The following KIF18A variants were observed in gnomAD, a reference collection of about 807,000 sequenced individuals.
KIF18A encodes kinesin-like protein KIF18A.
In KIF18A, 67 loss-of-function variants were observed where a neutral mutation model predicts 103.3. That is an observed-to-expected ratio of 0.65 (90% CI 0.53 to 0.79). The LOEUF (loss-of-function observed/expected upper bound fraction) is 0.79. KIF18A is among the 30% of genes least tolerant of loss of function. KIF18A has a pLI of 0.00. For missense variants in KIF18A, 1,032 were observed against 1,062.5 expected (o/e 0.97, Z 0.40); for synonymous variants, 367 against 355.5 (o/e 1.03, Z -0.36).
chr11:28,079,530 T>G (rs778146553), intron 9 of KIF18A, among the ~76,000 whole-genome samples: 3 of 152,122 alleles, frequency 2.0e-5, no homozygotes, highest in Non-Finnish European at 4.4e-5. Context: ...AATCTTGTTT[T>G]CCTTATAGAT....
intron 13 of KIF18A, chr11:28,056,811 T>TTA (rs1255293927): frequency 9.0e-5 from 15 of 167,156 alleles, no homozygotes; most frequent in African/African-American, 3.7e-4. Flanking sequence ...CTCCCAACTA[T>TTA]TTGTCTATTT....
intron 15 of KIF18A, among the ~76,000 whole-genome samples, chr11:28,024,853 G>A (rs939173125): frequency 2.0e-5 from 3 of 151,930 alleles, no homozygotes; most frequent in South Asian, 2.1e-4. Flanking sequence ...ATACTATATA[G>A]TAATCCCCCT....
chr11:28,061,660 TA>T (rs1565079878), intron 12 of KIF18A, among the ~76,000 whole-genome samples: 1 of 152,076 alleles, frequency 6.6e-6, no homozygotes, highest in Non-Finnish European at 1.5e-5. Flanking sequence ...TTTTCTTTTT[TA>T]AAAAAAGCTA....
At chr11:28,092,157 G>C (rs1851314536) in intron 3 of KIF18A, among the ~76,000 whole-genome samples, 1 of 152,134 alleles carries the variant, frequency 6.6e-6, no homozygotes, top group Non-Finnish European at 1.5e-5. Flanking sequence ...CACGGTACTG[G>C]GAAACTCTGG....
At chr11:28,057,198 G>A (rs569059825) in intron 13 of KIF18A, among the ~76,000 whole-genome samples, 13 of 152,182 alleles carry the variant, frequency 8.5e-5, no homozygotes, top group African/African-American at 2.6e-4. Flanking sequence ...TGGCCTCATC[G>A]ATAATCTGAG....
chr11:28,024,647 G>A (rs980214997), intron 15 of KIF18A, among the ~76,000 whole-genome samples: 11 of 152,114 alleles, frequency 7.2e-5, no homozygotes, highest in Admixed American at 5.9e-4. Flanking sequence ...AGATTCTTGA[G>A]TGTAGAGTAA....
At chr11:28,082,705 T>C (rs959154887) in intron 9 of KIF18A, 151 bp downstream of exon 9, 1 of 493,366 alleles carries the variant, frequency 2.0e-6, no homozygotes, top group Non-Finnish European at 3.5e-6. Flanking sequence ...GCCTGTTATG[T>C]ATGTATGTAT....
At chr11:28,105,942 T>C (rs574080661) in intron 1 of KIF18A, among the ~76,000 whole-genome samples, 28 of 152,182 alleles carry the variant, frequency 1.8e-4, no homozygotes, top group Non-Finnish European at 4.0e-4. Flanking sequence ...TATTTCCATT[T>C]TACAAAAACA....
intron 13 of KIF18A, among the ~76,000 whole-genome samples, chr11:28,056,091 T>TTATG (rs1850776673): frequency 1.3e-5 from 2 of 151,978 alleles, no homozygotes; most frequent in South Asian, 4.1e-4. Context: ...ATGTAAATAG[T>TTATG]TATGATGCAT....
In KIF18A at chr11:28,091,437, A is replaced by G; in HGVS notation, c.560T>C (p.Val187Ala). 6.2e-7 allele frequency: 1 copy of G among 1,608,552 alleles called. No homozygotes were observed. The highest frequency in any genetic ancestry group is 1.1e-5 in the South Asian group (1 of 90,800). ...GTGTAAAGTAAGTCCATGAACGACC[A>G]CCCCTTTTTGGGTATCTTCCCGGAC... ...LAVREDTQKG[V>A]VVHGLTLHQP... Residue 187 changes from valine (V) to alanine (A), a missense_variant, in exon 4 of 17, where the codon GTG (valine) becomes GCG (alanine). Physicochemically the swap from Val to Ala is moderately conservative, Grantham distance 64 (BLOSUM62 0). Coordinates refer to ENST00000263181, the MANE Select transcript of KIF18A (RefSeq NM_031217.4).
chr11:28,092,630 A>G (rs1020185718), intron 3 of KIF18A, among the ~76,000 whole-genome samples: 8 of 152,210 alleles, frequency 5.3e-5, no homozygotes, highest in African/African-American at 1.9e-4. Flanking sequence ...TGCTAACCAA[A>G]TGACAATTAC....
At chr11:28,027,593 A>G (rs956876265) in intron 15 of KIF18A, among the ~76,000 whole-genome samples, 2 of 151,850 alleles carry the variant, frequency 1.3e-5, no homozygotes, top group Non-Finnish European at 2.9e-5. Flanking sequence ...ACTTCTTCCC[A>G]TATTTTTATC....
At chr11:28,090,390 T>TA (rs1293690301) in intron 5 of KIF18A, among the ~76,000 whole-genome samples, 2 of 152,212 alleles carry the variant, frequency 1.3e-5, no homozygotes, top group Non-Finnish European at 2.9e-5. Flanking sequence ...TTACTACAAC[T>TA]TTATCCTCCT....
intron 1 of KIF18A, among the ~76,000 whole-genome samples, chr11:28,104,286 C>T (rs1851479803): frequency 6.6e-6 from 1 of 152,164 alleles, no homozygotes; most frequent in Admixed American, 6.5e-5. Flanking sequence ...AAAATACAAA[C>T]TCCTTACCAT....
intron 16 of KIF18A, among the ~76,000 whole-genome samples, 198 bp from the exon 17 acceptor site, chr11:28,021,480 A>G (rs1399476295): frequency 6.6e-6 from 1 of 152,348 alleles, no homozygotes; most frequent in East Asian, 1.9e-4. Context: ...TCAAATTCAT[A>G]TTGCAAACTA....
intron 13 of KIF18A, among the ~76,000 whole-genome samples, chr11:28,051,687 G>T (rs1850714346): frequency 1.3e-5 from 2 of 151,848 alleles, no homozygotes; most frequent in South Asian, 4.2e-4. Flanking sequence ...AATCTTGAAG[G>T]GTATAGTTAT....
chr11:28,105,103 T>C (rs1851488347), intron 1 of KIF18A, among the ~76,000 whole-genome samples: 1 of 151,912 alleles, frequency 6.6e-6, no homozygotes. Context: ...AGTTATATTT[T>C]CTATTGAGCT....
rs540736485 is a variant in KIF18A at position 28,021,451 on chromosome 11, C to T, written c.2615-169G>A. Among the ~76,000 whole-genome samples, 3 of 152,222 alleles carry T rather than the reference C, an allele frequency of 2.0e-5. No homozygotes were observed. The East Asian group carries it at 5.8e-4, about 29-fold the overall frequency. On this transcript the variant is annotated intron_variant, in intron 16 of 16. Coordinates refer to ENST00000263181, the MANE Select transcript of KIF18A (RefSeq NM_031217.4). The stretch of plus-strand genomic sequence containing the variant: ...TAACAACAACAAAGAGACATTAATA[C>T]CTTTGGTTTAAAAGCTGTTCAAATT...
At chr11:28,035,948 C>T (rs1041493265) in intron 14 of KIF18A, among the ~76,000 whole-genome samples, 3 of 151,322 alleles carry the variant, frequency 2.0e-5, no homozygotes, top group Admixed American at 6.6e-5. Flanking sequence ...TTGTATAATC[C>T]ACCTTCAGAG....
Sources: gnomAD v4.1 joint callset for allele counts (sites outside exome capture counted in the v4.1 genomes callset) on GRCh38, gnomAD v4.1.1 for gene constraint, MANE v1.5 for transcripts, NCBI Gene and HGNC (gene_info 2026-07-23, HGNC 2026-07-21) for gene names.